The following FSTL5 variants were observed in gnomAD, a reference collection of about 807,000 sequenced individuals.
FSTL5 encodes follistatin like 5.
Under a neutral mutation model 89.1 loss-of-function variants are expected in FSTL5, and 62 were observed. The observed-to-expected ratio is 0.70, with a 90% CI of 0.57 to 0.86. The LOEUF (loss-of-function observed/expected upper bound fraction) is 0.86, where lower values mean the gene tolerates loss of function less well. Among genes scored for constraint, FSTL5 ranks in the 40% least tolerant of loss-of-function variants. FSTL5 has a pLI of 0.00. For synonymous variants in FSTL5, 383 were observed against 346.2 expected (o/e 1.11, Z -1.18); for missense variants, 1,057 against 1,001.6 (o/e 1.06, Z -0.75).
intron 2 of FSTL5, among the ~76,000 whole-genome samples, chr4:162,088,383 C>A (rs1315788727): frequency 6.6e-6 from 1 of 151,798 alleles, no homozygotes; most frequent in Non-Finnish European, 1.5e-5. Context: ...AATTTTCTTT[C>A]AAATGTCATT....
At chr4:161,889,421 A>G (rs1332078231) in intron 4 of FSTL5, among the ~76,000 whole-genome samples, 1 of 152,094 alleles carries the variant, frequency 6.6e-6, no homozygotes, top group Non-Finnish European at 1.5e-5. Context: ...GGTTGGGCAA[A>G]TCACCTGAGG....
At chr4:161,812,028 T>A (rs755046463) in intron 4 of FSTL5, among the ~76,000 whole-genome samples, 2 of 152,110 alleles carry the variant, frequency 1.3e-5, no homozygotes, top group Non-Finnish European at 2.9e-5. Flanking sequence ...GAATATAATA[T>A]AAATATTAAT....
chr4:161,448,011 G>C (rs1419724736), intron 15 of FSTL5, among the ~76,000 whole-genome samples: 1 of 152,042 alleles, frequency 6.6e-6, no homozygotes. Context: ...GGAGTGGAGA[G>C]GGGGAGTAAA....
At chr4:161,992,713 G>A (rs1736147079) in intron 3 of FSTL5, among the ~76,000 whole-genome samples, 1 of 150,582 alleles carries the variant, frequency 6.6e-6, no homozygotes, top group South Asian at 2.1e-4. Context: ...GAGTGGTGGT[G>A]CGCGCCTGCA....
chr4:161,889,503 G>A (rs930208274), intron 4 of FSTL5, among the ~76,000 whole-genome samples: 14 of 152,058 alleles, frequency 9.2e-5, no homozygotes, highest in African/African-American at 2.4e-4. Context: ...AATTTGCTAG[G>A]TGTGGCAGTG....
At chr4:162,019,162 G>A (rs572053788) in intron 3 of FSTL5, among the ~76,000 whole-genome samples, 2 of 151,992 alleles carry the variant, frequency 1.3e-5, no homozygotes, top group African/African-American at 2.4e-5. Context: ...CACAATTGAG[G>A]GAAATGAAAT....
intron 3 of FSTL5, among the ~76,000 whole-genome samples, chr4:161,948,555 C>A (rs1344173734): frequency 3.2e-5 from 4 of 126,574 alleles, no homozygotes; most frequent in Admixed American, 1.0e-4. Flanking sequence ...TCAAGCCGTT[C>A]TCCTGCCTCA....
intron 7 of FSTL5, among the ~76,000 whole-genome samples, chr4:161,637,361 T>C (rs1735758062): frequency 1.0e-5 from 1 of 98,330 alleles, no homozygotes; most frequent in Non-Finnish European, 1.9e-5. Context: ...TTCTGGATAT[T>C]AGCCCTTTGT....
intron 15 of FSTL5, among the ~76,000 whole-genome samples, chr4:161,443,093 G>A (rs1732832418): frequency 6.6e-6 from 1 of 151,870 alleles, no homozygotes; most frequent in Non-Finnish European, 1.5e-5. Flanking sequence ...GCTCTAGATT[G>A]CCATCTTTTG....
intron 2 of FSTL5, among the ~76,000 whole-genome samples, chr4:162,052,999 T>A (rs1167867453): frequency 6.6e-6 from 1 of 151,692 alleles, no homozygotes; most frequent in African/African-American, 2.4e-5. Flanking sequence ...AAGAGTTACA[T>A]AGGGAATTGT....
intron 15 of FSTL5, among the ~76,000 whole-genome samples, chr4:161,396,460 G>A (rs4691752): frequency 0.51 from 75,911 of 148,446 alleles, 19,521 homozygotes; most frequent in South Asian, 0.6. Context: ...TAGCCAACAT[G>A]GTGAAACTCC....
intron 4 of FSTL5, among the ~76,000 whole-genome samples, chr4:161,868,860 T>C (rs137971352): frequency 1.3e-5 from 2 of 152,340 alleles, no homozygotes; most frequent in Middle Eastern, 3.4e-3. Flanking sequence ...TTATGCCTCT[T>C]GGGCGTATTT....
intron 4 of FSTL5, among the ~76,000 whole-genome samples, chr4:161,779,729 C>A (rs896412226): frequency 8.0e-6 from 1 of 124,608 alleles, no homozygotes; most frequent in African/African-American, 2.8e-5. Flanking sequence ...TTCATGAATT[C>A]TGTAATTTGT....
intron 5 of FSTL5, among the ~76,000 whole-genome samples, chr4:161,764,983 G>T (rs982950637): frequency 6.6e-6 from 1 of 152,124 alleles, no homozygotes; most frequent in Non-Finnish European, 1.5e-5. Context: ...TTTGAGCTGG[G>T]CATATAACAA....
chr4:161,430,857 AG>A (rs1372573259), intron 15 of FSTL5, among the ~76,000 whole-genome samples: 1 of 152,226 alleles, frequency 6.6e-6, no homozygotes, highest in African/African-American at 2.4e-5. Context: ...GTACATTGGC[AG>A]CAGACTTTTC....
chr4:161,685,598 C>A (rs1367188344), intron 6 of FSTL5, among the ~76,000 whole-genome samples: 3 of 152,128 alleles, frequency 2.0e-5, no homozygotes, highest in African/African-American at 7.2e-5. Flanking sequence ...TACTGATTAG[C>A]TTACATTAAT....
intron 7 of FSTL5, among the ~76,000 whole-genome samples, chr4:161,648,147 G>A (rs781618622): frequency 2.4e-4 from 36 of 152,156 alleles, no homozygotes; most frequent in African/African-American, 9.7e-5. Context: ...GGTACACCAA[G>A]GCAAGAACCT....
chr4:161,730,867 A>T (rs1739582781), intron 6 of FSTL5, among the ~76,000 whole-genome samples: 1 of 152,224 alleles, frequency 6.6e-6, no homozygotes, highest in Non-Finnish European at 1.5e-5. Flanking sequence ...TTGTTAATAA[A>T]AACACGAATA....
intron 7 of FSTL5, among the ~76,000 whole-genome samples, chr4:161,615,720 T>C (rs1308973436): frequency 6.6e-6 from 1 of 152,166 alleles, no homozygotes; most frequent in Admixed American, 6.5e-5. Context: ...GGGTGTTAAA[T>C]GCTAAAATGA....
Sources: gnomAD v4.1 joint callset for allele counts (sites outside exome capture counted in the v4.1 genomes callset) on GRCh38, gnomAD v4.1.1 for gene constraint, MANE v1.5 for transcripts, NCBI Gene and HGNC (gene_info 2026-07-23, HGNC 2026-07-21) for gene names.